Variants in NWD2 observed in about 807,000 individuals in gnomAD.
NWD2 encodes NACHT and WD repeat domain containing 2.
In NWD2, 37 loss-of-function variants were observed where a neutral mutation model predicts 132.7. The observed-to-expected ratio is 0.28, with a 90% CI of 0.21 to 0.37. The LOEUF is 0.37. Ranked by LOEUF, NWD2 falls within the 10% of genes least tolerant of loss-of-function variation. The probability of loss-of-function intolerance (pLI) is 1.00; values close to 1 mark genes in which losing one functional copy is unlikely to be tolerated. For missense variants in NWD2, 1,592 were observed against 2,122.4 expected, an observed-to-expected ratio of 0.75 and a Z score of 4.91; for synonymous variants, 705 against 803.0, an observed-to-expected ratio of 0.88 and a Z score of 2.06.
Position 37,443,444 on chromosome 4 carries a change from C to A in NWD2, c.1456C>A (p.Pro486Thr). 7.7e-6 allele frequency: 12 copies of A among 1,552,130 alleles called. No individual in the cohort carries two copies. Among genetic ancestry groups the A allele is most frequent in the Non-Finnish European group, 9.6e-6 (11 of 1,147,080 alleles). The change falls in exon 7 of 7, where the codon CCT (proline) becomes ACT (threonine). Residue 486 changes from proline (P) to threonine (T), a missense_variant. Around this residue, in one of 7 missense-constraint regions of NWD2, gnomAD observed 1,071 missense variants for 1,398.0 expected, o/e 0.77. Transcript: ENST00000309447. This position sits in a 1 kb window ranked among gnomAD's most constrained non-coding sequence, Gnocchi z 4.1. ...VNYRCLVQSY[P>T]KKIHDLCDLF... Reference sequence around the variant, plus strand: ...CTACCGGTGTCTGGTTCAAAGCTACCCTAAGAAGATCCATGACCTCTGTGA... The same window carrying A: ...CTACCGGTGTCTGGTTCAAAGCTACACTAAGAAGATCCATGACCTCTGTGA...
At chr4:37,407,803 G>A (rs377672820) in intron 3 of NWD2, among the ~76,000 whole-genome samples, 10 of 152,244 alleles carry the variant, frequency 6.6e-5, no homozygotes, top group East Asian at 5.8e-4. Context: ...AGAGAAGGCA[G>A]GTGATTTCTG....
At chr4:37,256,073 C>T (rs145017883) in intron 1 of NWD2, among the ~76,000 whole-genome samples, 1 of 152,324 alleles carries the variant, frequency 6.6e-6, no homozygotes, top group East Asian at 1.9e-4. Flanking sequence ...ATTTCTGAAT[C>T]AGTAGCAGTG....
intron 3 of NWD2, among the ~76,000 whole-genome samples, chr4:37,391,927 G>C (rs1208774826): frequency 6.6e-6 from 1 of 152,196 alleles, no homozygotes; most frequent in Non-Finnish European, 1.5e-5. Flanking sequence ...ACACGGGCTG[G>C]GCACGGTGGC....
At chr4:37,304,858 T>C (rs1577661643) in intron 1 of NWD2, among the ~76,000 whole-genome samples, 1 of 152,178 alleles carries the variant, frequency 6.6e-6, no homozygotes, top group Non-Finnish European at 1.5e-5. Context: ...TGGAGGATGG[T>C]GGCTCTCTTC....
chr4:37,333,480 A>T (rs530792683), intron 2 of NWD2, among the ~76,000 whole-genome samples: 39 of 152,326 alleles, frequency 2.6e-4, no homozygotes, highest in African/African-American at 9.4e-4. Flanking sequence ...ATCCAAGACC[A>T]CCAAGGCAGA....
chr4:37,301,525 G>C (rs886722615), intron 1 of NWD2, among the ~76,000 whole-genome samples: 1 of 151,010 alleles, frequency 6.6e-6, no homozygotes, highest in South Asian at 2.1e-4. Flanking sequence ...CTTTCTCTTG[G>C]TGTGATGAAT....
chr4:37,316,994 T>G (rs1036466349), intron 1 of NWD2, among the ~76,000 whole-genome samples: 1 of 152,224 alleles, frequency 6.6e-6, no homozygotes, highest in African/African-American at 2.4e-5. Context: ...TCACAGTTAT[T>G]TAATTACTAT....
rs1253783044 is a variant in NWD2 at position 37,439,281 on chromosome 4, T to C, written c.1187T>C (p.Ile396Thr). Residue 396 changes from isoleucine to threonine, a missense_variant, in exon 6 of 7, where the codon ATA becomes ACA. Transcript: ENST00000309447. This position sits in a 1 kb window ranked among gnomAD's most constrained non-coding sequence, Gnocchi z 4.5. Reference protein sequence around the residue: ...FYEYKCESLNIVHNYILPSKA... With the variant: ...FYEYKCESLNTVHNYILPSKA... ...GAGTACAAATGTGAATCTCTAAACA[T>C]AGTGCATAACTACATTCTTCCAAGC... 6.4e-7 allele frequency: 1 copy of C among 1,551,134 alleles called. No individual in the cohort carries two copies. Among genetic ancestry groups the C allele is most frequent in the Non-Finnish European group, 8.7e-7 (1 of 1,146,870 alleles).
At chr4:37,258,784 T>A (rs1369410) in intron 1 of NWD2, among the ~76,000 whole-genome samples, 24,550 of 152,194 alleles carry the variant, frequency 0.16, 2,546 homozygotes, top group South Asian at 0.32. Flanking sequence ...GAGATTTTTT[T>A]AAATATTTGA....
In NWD2 at chr4:37,298,379, G is replaced by A. The variant is rs117913329; in HGVS notation, c.152-27557G>A. ...TTCATCAGTATCACAAAATGACTTT[G>A]TCTAATATTTGTTCTGGTATACAAT... On this transcript the variant is annotated intron_variant, in intron 1 of 6. Coordinates refer to ENST00000309447, the MANE Select transcript of NWD2 (RefSeq NM_001144990.2). Among the ~76,000 whole-genome samples, 19 of 152,260 alleles carry A rather than the reference G, an allele frequency of 1.2e-4. No homozygotes were observed. The East Asian group carries it at 3.1e-3, about 25-fold the overall frequency.
chr4:37,434,129 T>C (rs1329245809), intron 5 of NWD2, 109 bp downstream of exon 5: 1 of 658,686 alleles, frequency 1.5e-6, no homozygotes, highest in Non-Finnish European at 2.4e-6. Flanking sequence ...CCTGGTGAAA[T>C]TTAATTTTTC....
At chr4:37,397,614 G>T (rs1364200865) in intron 3 of NWD2, among the ~76,000 whole-genome samples, 1 of 152,168 alleles carries the variant, frequency 6.6e-6, no homozygotes, top group Non-Finnish European at 1.5e-5. Flanking sequence ...GCTCGTTCTG[G>T]AGTGAAGGTG....
At chr4:37,255,209 C>T (rs182363602) in intron 1 of NWD2, among the ~76,000 whole-genome samples, 28 of 152,090 alleles carry the variant, frequency 1.8e-4, no homozygotes, top group South Asian at 2.1e-4. Context: ...CAGACACTGC[C>T]GTTGTGAAAG....
intron 2 of NWD2, among the ~76,000 whole-genome samples, chr4:37,326,522 A>G (rs765630601): frequency 4.6e-5 from 7 of 152,170 alleles, no homozygotes; most frequent in African/African-American, 1.7e-4. Context: ...CCAAAACATT[A>G]TATCAGCCTT....
At chr4:37,375,349 T>C (rs1440660041) in intron 3 of NWD2, among the ~76,000 whole-genome samples, 7 of 152,164 alleles carry the variant, frequency 4.6e-5, no homozygotes, top group Admixed American at 3.3e-4. Flanking sequence ...CCATTAATAT[T>C]TTAACTAATA....
At chr4:37,316,246 G>A (rs1436770116) in intron 1 of NWD2, among the ~76,000 whole-genome samples, 1 of 151,896 alleles carries the variant, frequency 6.6e-6, no homozygotes, top group African/African-American at 2.4e-5. Context: ...AAATAGTTTT[G>A]TTGAATATAG....
intron 1 of NWD2, among the ~76,000 whole-genome samples, chr4:37,251,313 A>G (rs997248989): frequency 1.2e-4 from 18 of 152,304 alleles, no homozygotes; most frequent in African/African-American, 4.1e-4. Context: ...AAAATACACT[A>G]TTATAATCTT....
At chr4:37,303,300 A>G (rs1178352805) in intron 1 of NWD2, among the ~76,000 whole-genome samples, 2 of 152,122 alleles carry the variant, frequency 1.3e-5, no homozygotes, top group Non-Finnish European at 2.9e-5. Flanking sequence ...ATTCTGTTAC[A>G]TCGGTGTATC....
At chr4:37,382,003 G>A (rs1442552738) in intron 3 of NWD2, among the ~76,000 whole-genome samples, 1 of 152,168 alleles carries the variant, frequency 6.6e-6, no homozygotes, top group Non-Finnish European at 1.5e-5. Context: ...GTGACACTGT[G>A]GGCAAGCTTG....
Sources: allele counts gnomAD v4.1 joint callset (sites outside exome capture counted in the v4.1 genomes callset), GRCh38; gene constraint gnomAD v4.1.1; regional missense constraint gnomAD v4.1.1; non-coding constraint Gnocchi (gnomAD v3.1); transcripts MANE v1.5; gene names NCBI Gene and HGNC (gene_info 2026-07-23, HGNC 2026-07-21).